The following SPOCK3 variants were observed in gnomAD, a reference collection of about 807,000 sequenced individuals.
SPOCK3 encodes testican-3.
In SPOCK3, 30 loss-of-function variants were observed where a neutral mutation model predicts 56.6. The ratio of observed to expected loss-of-function variants is 0.53; its 90% confidence interval spans 0.40 to 0.72. The LOEUF is 0.72. Ranked by LOEUF, SPOCK3 falls within the 30% of genes least tolerant of loss-of-function variation. The pLI, the probability that SPOCK3 is intolerant of heterozygous loss-of-function variation, is 0.00. For missense variants in SPOCK3, 527 were observed against 530.0 expected (o/e 0.99, Z 0.06); for synonymous variants, 196 against 183.3 (o/e 1.07, Z -0.56).
intron 2 of SPOCK3, among the ~76,000 whole-genome samples, chr4:167,133,141 G>C (rs1023421476): frequency 6.6e-6 from 1 of 152,104 alleles, no homozygotes; most frequent in Non-Finnish European, 1.5e-5. Context: ...TTCCAAACTG[G>C]TTAAATTAAG....
chr4:167,098,718 C>T (rs893726389), intron 2 of SPOCK3, among the ~76,000 whole-genome samples: 2 of 151,794 alleles, frequency 1.3e-5, no homozygotes, highest in African/African-American at 4.8e-5. Flanking sequence ...TTTCTGTTCC[C>T]AGCATTTTAA....
intron 4 of SPOCK3, among the ~76,000 whole-genome samples, chr4:166,914,247 A>G (rs929399741): frequency 6.6e-6 from 1 of 152,026 alleles, no homozygotes; most frequent in African/African-American, 2.4e-5. Context: ...AAAAAAAAAT[A>G]AGACGTATAT....
At chr4:167,203,187 A>T (rs1733686045) in intron 2 of SPOCK3, among the ~76,000 whole-genome samples, 1 of 151,988 alleles carries the variant, frequency 6.6e-6, no homozygotes, top group Non-Finnish European at 1.5e-5. Context: ...AGTAAGGCTT[A>T]TGAGTAGTAT....
intron 2 of SPOCK3, among the ~76,000 whole-genome samples, chr4:167,158,332 T>A (rs1037149195): frequency 1.6e-4 from 25 of 151,992 alleles, no homozygotes; most frequent in Admixed American, 6.6e-5. Flanking sequence ...TTAAACATAA[T>A]TATTTAAACA....
intron 4 of SPOCK3, among the ~76,000 whole-genome samples, chr4:166,922,663 T>C (rs904839360): frequency 3.9e-5 from 6 of 152,154 alleles, no homozygotes; most frequent in African/African-American, 1.4e-4. Flanking sequence ...GTTTGGGAGA[T>C]TATGGACCCA....
chr4:166,789,764 A>G (rs1486726177), intron 7 of SPOCK3, among the ~76,000 whole-genome samples: 1 of 152,216 alleles, frequency 6.6e-6, no homozygotes, highest in African/African-American at 2.4e-5. Context: ...TGGAAAAGTT[A>G]AAATGAATGG....
At chr4:166,764,351 C>A (rs556965981) in intron 7 of SPOCK3, among the ~76,000 whole-genome samples, 10 of 152,210 alleles carry the variant, frequency 6.6e-5, no homozygotes, top group Admixed American at 2.6e-4. Context: ...TCTCCCCACC[C>A]CACAACAGGC....
At chr4:166,897,798 G>A (rs1735548276) in intron 5 of SPOCK3, among the ~76,000 whole-genome samples, 1 of 152,164 alleles carries the variant, frequency 6.6e-6, no homozygotes, top group Non-Finnish European at 1.5e-5. Flanking sequence ...AAGAACACAA[G>A]TCTCACAGAC....
Position 166,937,912 on chromosome 4 carries a change from C to T in SPOCK3, c.351-25169G>A, listed in dbSNP as rs372022652. Among the ~76,000 whole-genome samples the T allele has an allele frequency of 5.2e-4, 77 of 147,762 alleles. No homozygotes were observed. In the East Asian group the frequency reaches 0.012, roughly 23 times the overall value. On this transcript the variant is annotated intron_variant, in intron 4 of 10. Transcript: ENST00000357545. ...CCGAGTAGCTGGGACTACAGGCACC[C>T]GCCACCACGCCCGGCTAATCTCTTT... is the stretch of plus-strand genomic sequence containing the variant.
intron 4 of SPOCK3, among the ~76,000 whole-genome samples, chr4:166,915,773 T>C (rs921043894): frequency 7.2e-5 from 11 of 152,144 alleles, no homozygotes; most frequent in African/African-American, 2.7e-4. Context: ...ACTAGGCACA[T>C]TATTCTGAAT....
chr4:167,033,015 T>C (rs541307924), intron 3 of SPOCK3, among the ~76,000 whole-genome samples: 2 of 152,120 alleles, frequency 1.3e-5, no homozygotes, highest in South Asian at 4.1e-4. Context: ...TGTTCATGCT[T>C]AGCAGAGATA....
intron 3 of SPOCK3, among the ~76,000 whole-genome samples, chr4:167,050,739 T>C (rs570683924): frequency 2.0e-5 from 3 of 152,262 alleles, no homozygotes; most frequent in South Asian, 4.1e-4. Context: ...TTCTGACACA[T>C]GCTACAACAT....
At chr4:167,211,659 GAC>G (rs1734890282) in intron 2 of SPOCK3, among the ~76,000 whole-genome samples, 1 of 152,156 alleles carries the variant, frequency 6.6e-6, no homozygotes, top group Non-Finnish European at 1.5e-5. Context: ...CACCATGTGA[GAC>G]ATGCCTTTCA....
At chr4:167,059,794 C>G (rs1461156770) in intron 3 of SPOCK3, among the ~76,000 whole-genome samples, 1 of 152,132 alleles carries the variant, frequency 6.6e-6, no homozygotes, top group Non-Finnish European at 1.5e-5. Context: ...AAATGTGGCA[C>G]ATATACACCA....
intron 8 of SPOCK3, 28 bp downstream of exon 8, chr4:166,754,480 T>C: frequency 6.3e-7 from 1 of 1,592,090 alleles, no homozygotes; most frequent in Non-Finnish European, 8.6e-7. Context: ...GGTCAACTAT[T>C]TGCGTCTGTA....
intron 7 of SPOCK3, among the ~76,000 whole-genome samples, chr4:166,789,440 AAAAACC>A (rs745520107): frequency 1.8e-4 from 28 of 152,110 alleles, no homozygotes; most frequent in Admixed American, 2.6e-4. Context: ...AAAAAAAGAA[AAAAACC>A]AAAACCAAAA....
intron 2 of SPOCK3, among the ~76,000 whole-genome samples, chr4:167,201,056 T>C (rs910408054): frequency 6.6e-6 from 1 of 152,012 alleles, no homozygotes; most frequent in African/African-American, 2.4e-5. Context: ...CTTAAGATAC[T>C]GGCAATTTCT....
At chr4:167,166,732 C>T (rs547769699) in intron 2 of SPOCK3, among the ~76,000 whole-genome samples, 7 of 152,044 alleles carry the variant, frequency 4.6e-5, no homozygotes, top group Non-Finnish European at 1.0e-4. Context: ...TAGCACTTTA[C>T]ATATTTCTTT....
At chr4:167,222,818 T>C (rs1736118171) in intron 2 of SPOCK3, among the ~76,000 whole-genome samples, 2 of 124,788 alleles carry the variant, frequency 1.6e-5, no homozygotes, top group African/African-American at 6.3e-5. Flanking sequence ...AATATATAAA[T>C]ATATAAACAT....
Sources: allele counts gnomAD v4.1 joint callset (sites outside exome capture counted in the v4.1 genomes callset), GRCh38; gene constraint gnomAD v4.1.1; transcripts MANE v1.5; gene names NCBI Gene and HGNC (gene_info 2026-07-23, HGNC 2026-07-21).